Variants in LARP1B observed in about 807,000 individuals in gnomAD.
LARP1B encodes the protein la-related protein 1B.
Under a neutral mutation model 114.2 loss-of-function variants are expected in LARP1B, and 76 were observed. That is an observed-to-expected ratio of 0.67 (90% CI 0.55 to 0.81). LARP1B has a LOEUF of 0.81. LARP1B is among the 30% of genes least tolerant of loss of function. LARP1B has a pLI of 0.00. For synonymous variants in LARP1B, 345 were observed against 348.0 expected (o/e 0.99, Z 0.10); for missense variants, 1,014 against 1,075.8 (o/e 0.94, Z 0.80).
chr4:128,074,327 AT>A (rs369527178), intron 1 of LARP1B, 132 bp from the exon 2 acceptor site: 1 of 155,822 alleles, frequency 6.4e-6, no homozygotes, highest in African/African-American at 2.4e-5. Flanking sequence ...TTTGCTAGGA[AT>A]TTAAGTCTCA....
In LARP1B at chr4:128,195,844, G is replaced by A. The variant is rs78275777; in HGVS notation, c.2004-3595G>A. Among the ~76,000 whole-genome samples the A allele has an allele frequency of 3.7e-3, 570 of 152,260 alleles. 6 individuals carry two copies. Among genetic ancestry groups the A allele is most frequent in the African/African-American group, 0.013 (530 of 41,554 alleles). ...CTTTGAAGAGATCAACAAAATTGAC[G>A]AAACTTTAGCTAGACTGACAAAGAA... On this transcript the variant is annotated intron_variant, in intron 15 of 19. Transcript: ENST00000326639.
intron 11 of LARP1B, 90 bp downstream of exon 11, chr4:128,122,278 T>C (rs1333578960): frequency 1.3e-6 from 2 of 1,539,982 alleles, no homozygotes; most frequent in African/African-American, 2.8e-5. Flanking sequence ...GGCTCTATTT[T>C]ATGAAATGTT....
intron 7 of LARP1B, chr4:128,222,223 A>G: frequency 4.7e-6 from 2 of 424,536 alleles, no homozygotes; most frequent in South Asian, 1.7e-5. Flanking sequence ...CGTTATTTCT[A>G]CTGACCTTGA....
chr4:128,158,685 C>A (rs1561445915), intron 11 of LARP1B, among the ~76,000 whole-genome samples: 1 of 152,200 alleles, frequency 6.6e-6, no homozygotes, highest in East Asian at 1.9e-4. Flanking sequence ...CAGAGAGATA[C>A]AAATTAAAGC....
chr4:128,098,855 A>G (rs1433013172), intron 8 of LARP1B, among the ~76,000 whole-genome samples: 1 of 140,858 alleles, frequency 7.1e-6, no homozygotes, highest in African/African-American at 2.7e-5. Context: ...TCGGCTCACC[A>G]CAACATCTGC....
intron 15 of LARP1B, among the ~76,000 whole-genome samples, chr4:128,180,595 T>A (rs888588194): frequency 6.6e-6 from 1 of 152,234 alleles, no homozygotes; most frequent in Admixed American, 6.5e-5. Context: ...AGAGTATTTC[T>A]TTTTATTGGA....
intron 11 of LARP1B, among the ~76,000 whole-genome samples, chr4:128,161,791 A>C (rs1378437927): frequency 6.6e-6 from 1 of 152,128 alleles, no homozygotes; most frequent in South Asian, 2.1e-4. Context: ...CGCTCTTCAC[A>C]TACTACCTAA....
chr4:128,101,027 CA>C (rs1463230614), intron 8 of LARP1B, among the ~76,000 whole-genome samples: 1 of 151,004 alleles, frequency 6.6e-6, no homozygotes, highest in Non-Finnish European at 1.5e-5. Context: ...CCATGTTGGT[CA>C]GGCTGGTCTC....
chr4:128,079,656 T>C (rs1267205940), intron 4 of LARP1B, among the ~76,000 whole-genome samples: 3 of 152,038 alleles, frequency 2.0e-5, no homozygotes, highest in Non-Finnish European at 2.9e-5. Context: ...CTCGATGACC[T>C]GGGCTCAAGT....
At chr4:128,179,085 C>T (rs1341222318) in intron 14 of LARP1B, among the ~76,000 whole-genome samples, 1 of 151,990 alleles carries the variant, frequency 6.6e-6, no homozygotes, top group African/African-American at 2.4e-5. Context: ...AGAGTAAGAC[C>T]CCATTTAAAA....
rs112870011 is a variant in LARP1B, at chr4:128,069,470, G to T, written c.-77-4990G>T. ...ATATAACATAAACTTGGTTGGCCTT[G>T]TAGCCCAGCTGGTGCGCTTTATCAA... On this transcript the variant is annotated intron_variant, in intron 1 of 19. Coordinates refer to ENST00000326639, the MANE Select transcript of LARP1B (RefSeq NM_018078.4). 35 of 756,304 alleles carry T rather than the reference G, an allele frequency of 4.6e-5. 1 individual carries two copies. The highest frequency in any genetic ancestry group is 2.9e-4 in the African/African-American group (17 of 58,970). The allele number at this position is 756,304 out of a possible 1,614,324, so 46.8% of individuals were successfully genotyped here.
In LARP1B at chr4:128,073,591, T is replaced by TTGTA. The variant is rs1300696504; in HGVS notation, c.-77-868_-77-867insGTAT. On this transcript the variant is annotated intron_variant, in intron 1 of 19. Coordinates refer to ENST00000326639, the MANE Select transcript of LARP1B (RefSeq NM_018078.4). ...GTTGTCGTTTTTTTTTTTTTTTTTT[T>TTGTA]TTTTTTTTTTTTTTTTTTGGACAGA... Among the ~76,000 whole-genome samples the TTGTA allele has an allele frequency of 4.3e-3, 119 of 27,924 alleles. 1 individual carries two copies. Among genetic ancestry groups the TTGTA allele is most frequent in the East Asian group, 0.019 (15 of 776 alleles). The allele number at this position is 27,924 out of a possible 152,430, so 18.3% of individuals were successfully genotyped here. A position where few individuals can be genotyped will look rare whatever the true frequency, so the allele number is the denominator to read the frequency against.
chr4:128,098,307 A>G lies in LARP1B; in HGVS notation c.790A>G (p.Thr264Ala), dbSNP rs1269202426. The stretch of plus-strand genomic sequence containing the variant: ...TTTTCAGCGTGTTCAGGCTCTCACT[A>G]CAAACCTTAATCTCATCTTAGAGGT... ...AGFQRVQALT[T>A]NLNLILEALK... The change falls in exon 8 of 20, where the codon ACA (threonine) becomes GCA (alanine). Residue 264 changes from threonine to alanine, a missense_variant. Coordinates refer to ENST00000326639, the MANE Select transcript of LARP1B (RefSeq NM_018078.4). 4 of 1,613,622 alleles carry G rather than the reference A, an allele frequency of 2.5e-6. No homozygotes were observed. Among genetic ancestry groups the G allele is most frequent in the Non-Finnish European group, 2.5e-6 (3 of 1,179,724 alleles).
chr4:128,077,988 G>T, intron 4 of LARP1B, 26 bp downstream of exon 4: 3 of 1,464,784 alleles, frequency 2.0e-6, no homozygotes, highest in South Asian at 3.0e-5. Context: ...TCTTTATTTT[G>T]ATTTTAGTTT....
intron 17 of LARP1B, among the ~76,000 whole-genome samples, chr4:128,204,175 T>G (rs1026258315): frequency 2.0e-5 from 3 of 151,964 alleles, no homozygotes; most frequent in Non-Finnish European, 2.9e-5. Flanking sequence ...CTCTAAAATA[T>G]GATTTACTTG....
At chr4:128,214,208 T>C (rs4975272), downstream of LARP1B, among the ~76,000 whole-genome samples, 79,417 of 120,740 alleles carry the variant, frequency 0.66, 27,023 homozygotes, top group Middle Eastern at 0.85. Context: ...AACTGCAAGG[T>C]GGCAACGAGG....
chr4:128,073,391 G>A (rs1421103720), intron 1 of LARP1B, among the ~76,000 whole-genome samples: 1 of 119,964 alleles, frequency 8.3e-6, no homozygotes, highest in Non-Finnish European at 1.6e-5. Flanking sequence ...ACTCCAGCCT[G>A]GGCGACAGAG....
At chr4:128,073,003 C>G (rs1765970740) in intron 1 of LARP1B, among the ~76,000 whole-genome samples, 1 of 152,194 alleles carries the variant, frequency 6.6e-6, no homozygotes, top group East Asian at 1.9e-4. Context: ...CAAAGTTGCA[C>G]TGAACATCCT....
chr4:128,162,777 A>G (rs1242258883), intron 12 of LARP1B, among the ~76,000 whole-genome samples: 5 of 152,170 alleles, frequency 3.3e-5, no homozygotes, highest in Non-Finnish European at 4.4e-5. Context: ...GGTTAAAAAA[A>G]TGATTTATAA....
Sources: allele counts gnomAD v4.1 joint callset (sites outside exome capture counted in the v4.1 genomes callset), GRCh38; gene constraint gnomAD v4.1.1; transcripts MANE v1.5; gene names NCBI Gene and HGNC (gene_info 2026-07-23, HGNC 2026-07-21).